Variants in PRKAG2 observed in about 807,000 individuals in gnomAD.
PRKAG2 encodes the protein protein kinase AMP-activated non-catalytic subunit gamma 2.
Under a neutral mutation model 69.6 loss-of-function variants are expected in PRKAG2, and 26 were observed. That is an observed-to-expected ratio of 0.37 (90% CI 0.27 to 0.52). PRKAG2 has a LOEUF of 0.52. PRKAG2 is among the 20% of genes least tolerant of loss of function. PRKAG2 has a pLI of 0.90. For synonymous variants in PRKAG2, 293 were observed against 285.0 expected (o/e 1.03, Z -0.28); for missense variants, 557 against 740.0 (o/e 0.75, Z 2.87).
chr7:151,593,543 T>C (rs1813740290), intron 6 of PRKAG2, among the ~76,000 whole-genome samples: 1 of 151,636 alleles, frequency 6.6e-6, no homozygotes, highest in Non-Finnish European at 1.5e-5. Context: ...TCAGAAAATC[T>C]GGTATTTTAA....
At chr7:151,664,608 T>A (rs909721829) in intron 4 of PRKAG2, among the ~76,000 whole-genome samples, 6 of 152,240 alleles carry the variant, frequency 3.9e-5, no homozygotes, top group Non-Finnish European at 5.9e-5. Context: ...GTGACAGTTT[T>A]ATCATGATGG....
At chr7:151,664,557 C>T (rs929777397) in intron 4 of PRKAG2, among the ~76,000 whole-genome samples, 30 of 152,210 alleles carry the variant, frequency 2.0e-4, no homozygotes, top group Admixed American at 6.5e-5. Flanking sequence ...ACTCACTTTG[C>T]AACCCTCTGC....
intron 5 of PRKAG2, among the ~76,000 whole-genome samples, chr7:151,596,455 A>G (rs1814548628): frequency 6.6e-6 from 1 of 152,212 alleles, no homozygotes; most frequent in Non-Finnish European, 1.5e-5. Flanking sequence ...CACTGATGAA[A>G]GAATTGAAGC....
rs115488024 is a variant in PRKAG2, at chr7:151,621,708, G to A, written c.754+10361C>T. ...CTATCTCAGCCTCCCAAGTAGTTGG[G>A]ACCACAGGCGTGCACCACCACACCC... On this transcript the variant is annotated intron_variant, in intron 5 of 15. Coordinates refer to ENST00000287878, the MANE Select transcript of PRKAG2 (RefSeq NM_016203.4). Among the ~76,000 whole-genome samples the A allele has an allele frequency of 8.9e-3, 1,349 of 152,120 alleles. 23 individuals carry two copies. The highest frequency in any genetic ancestry group is 0.03 in the African/African-American group (1,232 of 41,466).
intron 4 of PRKAG2, among the ~76,000 whole-genome samples, chr7:151,637,523 AAT>A (rs1825936668): frequency 6.6e-6 from 1 of 152,224 alleles, no homozygotes; most frequent in Admixed American, 6.5e-5. Context: ...TCTAACAATT[AAT>A]GTTTTATGCA....
At chr7:151,657,803 C>T (rs998578989) in intron 4 of PRKAG2, among the ~76,000 whole-genome samples, 3 of 152,140 alleles carry the variant, frequency 2.0e-5, no homozygotes, top group African/African-American at 7.2e-5. Flanking sequence ...TTTGAGAAGT[C>T]AAATGTGTCA....
intron 6 of PRKAG2, among the ~76,000 whole-genome samples, chr7:151,585,057 C>T (rs145341308): frequency 4.6e-5 from 7 of 152,036 alleles, no homozygotes; most frequent in African/African-American, 1.7e-4. Context: ...AGGTAGAAAG[C>T]GAGAGCCACA....
intron 3 of PRKAG2, among the ~76,000 whole-genome samples, chr7:151,735,019 T>C (rs976836387): frequency 2.0e-5 from 3 of 151,972 alleles, no homozygotes; most frequent in Admixed American, 1.3e-4. Flanking sequence ...CACGCCCAGC[T>C]AATTTTTTGT....
chr7:151,672,185 T>C (rs1832156335), intron 4 of PRKAG2, among the ~76,000 whole-genome samples: 1 of 151,654 alleles, frequency 6.6e-6, no homozygotes, highest in Non-Finnish European at 1.5e-5. Flanking sequence ...CACTGCAAGC[T>C]CTGCCTCCTG....
chr7:151,593,261 C>T (rs777781966), intron 6 of PRKAG2, among the ~76,000 whole-genome samples: 82 of 152,276 alleles, frequency 5.4e-4, no homozygotes, highest in Non-Finnish European at 9.6e-4. Context: ...AATCTCGGCT[C>T]ACTGCAGCCT....
chr7:151,566,217 G>A (rs1040492057), intron 11 of PRKAG2, among the ~76,000 whole-genome samples: 2 of 152,174 alleles, frequency 1.3e-5, no homozygotes, highest in African/African-American at 2.4e-5. Context: ...TGTAAGCCAC[G>A]AAGAATTGAA....
At chr7:151,696,885 C>T (rs982120166) in intron 3 of PRKAG2, among the ~76,000 whole-genome samples, 6 of 151,954 alleles carry the variant, frequency 3.9e-5, no homozygotes, top group Non-Finnish European at 7.4e-5. Context: ...AGCAGCAGCT[C>T]TTGGGAGCAG....
Position 151,692,015 on chromosome 7 carries a change from C to T in PRKAG2, c.467-16378G>A, listed in dbSNP as rs147705264. 6.0e-3 allele frequency among the ~76,000 whole-genome samples: 911 copies of T among 152,074 alleles called. 8 individuals carry two copies. The highest frequency in any genetic ancestry group is 0.021 in the African/African-American group (880 of 41,470). On this transcript the variant is annotated intron_variant, in intron 3 of 15. Transcript: ENST00000287878. ...CAGCCTAGGCAACATAGTGGGACCC[C>T]ATCTCTACAAAAAATTAAAAAAGTT...
At chr7:151,577,560 A>C (rs562415975) in intron 6 of PRKAG2, among the ~76,000 whole-genome samples, 1 of 152,354 alleles carries the variant, frequency 6.6e-6, no homozygotes, top group South Asian at 2.1e-4. Flanking sequence ...AAACACTGAG[A>C]AAATATTTTT....
At chr7:151,734,824 T>C (rs1586164409) in intron 3 of PRKAG2, among the ~76,000 whole-genome samples, 2 of 151,854 alleles carry the variant, frequency 1.3e-5, no homozygotes, top group East Asian at 1.9e-4. Flanking sequence ...GTCCTGGGAT[T>C]ATAGGCCCAG....
At chr7:151,618,132 G>A (rs534590960) in intron 5 of PRKAG2, among the ~76,000 whole-genome samples, 1 of 152,224 alleles carries the variant, frequency 6.6e-6, no homozygotes, top group South Asian at 2.1e-4. Flanking sequence ...GACCAGCCTA[G>A]GCAACACAGT....
chr7:151,569,236 C>T (rs545828359), intron 10 of PRKAG2, among the ~76,000 whole-genome samples: 8 of 152,172 alleles, frequency 5.3e-5, no homozygotes, highest in Non-Finnish European at 1.0e-4. Context: ...GGTTTTGCCA[C>T]GTTGCCCAGG....
At chr7:151,668,312 C>A (rs560649657) in intron 4 of PRKAG2, among the ~76,000 whole-genome samples, 11 of 152,198 alleles carry the variant, frequency 7.2e-5, no homozygotes, top group Non-Finnish European at 4.4e-5. Context: ...AGCTTTCCAG[C>A]CTCCAGAATC....
intron 1 of PRKAG2, among the ~76,000 whole-genome samples, chr7:151,800,033 G>C (rs2077748102): frequency 6.6e-6 from 1 of 152,080 alleles, no homozygotes; most frequent in East Asian, 1.9e-4. Context: ...CCTGGATCTA[G>C]ATTTCTGCCT....
Sources: allele counts gnomAD v4.1 joint callset (sites outside exome capture counted in the v4.1 genomes callset), GRCh38; gene constraint gnomAD v4.1.1; transcripts MANE v1.5; gene names NCBI Gene and HGNC (gene_info 2026-07-23, HGNC 2026-07-21).